Variants in TTC12 observed in about 807,000 individuals in gnomAD.
The protein encoded by TTC12 is tetratricopeptide repeat domain 12.
Under a neutral mutation model 90.1 loss-of-function variants are expected in TTC12, and 70 were observed. The ratio of observed to expected loss-of-function variants is 0.78; its 90% CI spans 0.64 to 0.95. The LOEUF is 0.95. TTC12 is among the 40% of genes least tolerant of loss of function. The pLI, the probability that TTC12 is intolerant of heterozygous loss-of-function variation, is 0.00. For synonymous variants in TTC12, 296 were observed against 311.5 expected, an observed-to-expected ratio of 0.95 and a Z score of 0.53; for missense variants, 819 against 846.1, an observed-to-expected ratio of 0.97 and a Z score of 0.40.
At position 113,359,406 on chromosome 11, in the gene TTC12, A is replaced by G. The variant is rs1555153793; in HGVS notation, c.1490A>G (p.Tyr497Cys). 8 of 1,613,422 alleles carry G rather than the reference A, an allele frequency of 5.0e-6. No homozygotes were observed. Among genetic ancestry groups the G allele is most frequent in the Admixed American group, 1.7e-5 (1 of 60,008 alleles). Residue 497 changes from tyrosine (Y) to cysteine (C), a missense_variant, in exon 17 of 22, where the codon TAC (tyrosine) becomes TGC (cysteine). By Grantham distance (194) the Tyr-to-Cys change is radical. Transcript: ENST00000529221. ...GTGGACCTGTTCAGAGAGGTTATCT[A>G]CACACTCCTGGGACTCATGATGAAC... Reference protein sequence around the residue: ...EDVDLFREVIYTLLGLMMNLC... With the variant: ...EDVDLFREVICTLLGLMMNLC...
At chr11:113,320,099 AG>A (rs1251761542) in intron 2 of TTC12, among the ~76,000 whole-genome samples, 1 of 152,144 alleles carries the variant, frequency 6.6e-6, no homozygotes, top group East Asian at 1.9e-4. Flanking sequence ...AGAATACCCA[AG>A]GGGAAGATGT....
chr11:113,358,719 C>T (rs1555153437), intron 16 of TTC12, among the ~76,000 whole-genome samples: 1 of 152,224 alleles, frequency 6.6e-6, no homozygotes, highest in Non-Finnish European at 1.5e-5. Flanking sequence ...ACCCCTACCA[C>T]TTCTCTAAGC....
downstream of TTC12, among the ~76,000 whole-genome samples, chr11:113,370,515 C>T (rs574811798): frequency 6.6e-6 from 1 of 152,322 alleles, no homozygotes; most frequent in Non-Finnish European, 1.5e-5. Context: ...TGACTTATTT[C>T]CTTTTAATAA....
At chr11:113,319,398 G>A (rs1484175418) in intron 2 of TTC12, among the ~76,000 whole-genome samples, 1 of 151,970 alleles carries the variant, frequency 6.6e-6, no homozygotes, top group Non-Finnish European at 1.5e-5. Flanking sequence ...TAGGAAAAGG[G>A]CATTAGGGAG....
intron 13 of TTC12, among the ~76,000 whole-genome samples, chr11:113,346,240 CT>C (rs1948949036): frequency 6.6e-6 from 1 of 152,092 alleles, no homozygotes; most frequent in Non-Finnish European, 1.5e-5. Context: ...CTGCATGTCT[CT>C]GCTTGTGTGA....
At chr11:113,325,463 A>C (rs950431524) in intron 5 of TTC12, 61 bp from the exon 6 acceptor site, 61 of 1,592,948 alleles carry the variant, frequency 3.8e-5, no homozygotes, top group Non-Finnish European at 5.1e-5. Flanking sequence ...CGGGGGAATA[A>C]AGTCTGAGAG....
intron 12 of TTC12, 28 bp from the exon 13 acceptor site, chr11:113,344,244 C>G: frequency 6.3e-7 from 1 of 1,593,014 alleles, no homozygotes; most frequent in Non-Finnish European, 8.6e-7. Flanking sequence ...ATGGCATGCA[C>G]AAGACACACA....
At chr11:113,335,249 C>G (rs1555143711) in intron 8 of TTC12, among the ~76,000 whole-genome samples, 1 of 152,150 alleles carries the variant, frequency 6.6e-6, no homozygotes, top group East Asian at 1.9e-4. Context: ...CTGCAACATC[C>G]TCTACCAGTG....
chr11:113,316,177 A>G (rs1276255801), intron 1 of TTC12, 66 bp from the exon 2 acceptor site: 3 of 745,716 alleles, frequency 4.0e-6, no homozygotes, highest in Non-Finnish European at 5.9e-6. Context: ...TAGAAGGCTA[A>G]TAAGCCTGAC....
At chr11:113,369,847 GA>G (rs1950336185), downstream of TTC12, among the ~76,000 whole-genome samples, 1 of 152,190 alleles carries the variant, frequency 6.6e-6, no homozygotes, top group Non-Finnish European at 1.5e-5. Flanking sequence ...TTTGAGAACA[GA>G]AATGACCATG....
At chr11:113,333,501 AC>A (rs1555143133) in intron 7 of TTC12, among the ~76,000 whole-genome samples, 1 of 151,720 alleles carries the variant, frequency 6.6e-6, no homozygotes, top group African/African-American at 2.4e-5. Context: ...TCATTTTTAA[AC>A]CCTTGAGAGT....
chr11:113,364,757 G>A, intron 20 of TTC12, 78 bp from the exon 21 acceptor site: 2 of 1,181,310 alleles, frequency 1.7e-6, no homozygotes, highest in South Asian at 2.6e-5. Flanking sequence ...ACATCTCCCT[G>A]CACCCCTCAT....
intron 21 of TTC12, among the ~76,000 whole-genome samples, chr11:113,371,993 C>T (rs528422806): frequency 5.9e-5 from 9 of 152,120 alleles, no homozygotes; most frequent in South Asian, 4.1e-4. Flanking sequence ...TGGCCCCACC[C>T]GGCCATCCCT....
intron 16 of TTC12, among the ~76,000 whole-genome samples, chr11:113,357,469 G>A (rs1949691190): frequency 6.6e-6 from 1 of 152,144 alleles, no homozygotes. Flanking sequence ...CCTTTCTGGA[G>A]GGGTGTTATG....
intron 16 of TTC12, among the ~76,000 whole-genome samples, chr11:113,354,549 G>C (rs1949512772): frequency 6.6e-6 from 1 of 152,176 alleles, no homozygotes; most frequent in Non-Finnish European, 1.5e-5. Context: ...GGTTTTCAAG[G>C]GGAGTGCTTC....
At chr11:113,372,032 T>G (rs555644038) in intron 21 of TTC12, among the ~76,000 whole-genome samples, 1 of 152,180 alleles carries the variant, frequency 6.6e-6, no homozygotes, top group East Asian at 1.9e-4. Flanking sequence ...TTCTTAAATG[T>G]GAGGATTTTT....
chr11:113,330,589 G>A (rs1947998003), intron 7 of TTC12, among the ~76,000 whole-genome samples: 1 of 152,028 alleles, frequency 6.6e-6, no homozygotes, highest in African/African-American at 2.4e-5. Flanking sequence ...CACTTTTTAG[G>A]GACATGACCA....
At chr11:113,357,270 C>T (rs1555152793) in intron 16 of TTC12, among the ~76,000 whole-genome samples, 1 of 152,102 alleles carries the variant, frequency 6.6e-6, no homozygotes, top group African/African-American at 2.4e-5. Flanking sequence ...GGTTTTTCAG[C>T]TCTATCAGGT....
At chr11:113,323,004 C>A (rs535513864) in intron 2 of TTC12, among the ~76,000 whole-genome samples, 5 of 148,552 alleles carry the variant, frequency 3.4e-5, no homozygotes, top group Admixed American at 1.4e-4. Context: ...ATATCTAACT[C>A]ATAATGAGCT....
Sources: gnomAD v4.1 joint callset for allele counts (sites outside exome capture counted in the v4.1 genomes callset) on GRCh38, gnomAD v4.1.1 for gene constraint, MANE v1.5 for transcripts, NCBI Gene and HGNC (gene_info 2026-07-23, HGNC 2026-07-21) for gene names.